CCR5AS: variants seen among roughly 807,000 people sequenced by gnomAD.
CCR5AS encodes CCR5 antisense RNA.
At chr3:46,367,170 A>T (rs1701607396) in intron 3 of CCR5AS, among the ~76,000 whole-genome samples, 1 of 152,118 alleles carries the variant, frequency 6.6e-6, no homozygotes, top group Non-Finnish European at 1.5e-5. Context: ...TGGGTGGAGC[A>T]AAAGGCACCT....
At chr3:46,406,043 T>C (rs1363540540) in intron 1 of CCR5AS, among the ~76,000 whole-genome samples, 1 of 152,090 alleles carries the variant, frequency 6.6e-6, no homozygotes, top group African/African-American at 2.4e-5. Flanking sequence ...ATCTGGCTAA[T>C]TTTTATATTG....
chr3:46,396,349 C>A lies in CCR5AS; in HGVS notation n.164-3297G>T, dbSNP rs1046697978. Among the ~76,000 whole-genome samples the A allele has an allele frequency of 5.9e-5, 9 of 152,292 alleles. 1 individual carries two copies. In the South Asian group the frequency reaches 1.9e-3, roughly 32 times the overall value. On this transcript the variant is annotated intron_variant and non_coding_transcript_variant, in intron 1 of 3. Transcript: ENST00000451485. ...TGAGTGGGCAGTGTGGCCTCCTGTG[C>A]ACGTGACTTCCTCCTTCAGTGTGCC...
At chr3:46,399,548 T>A (rs1701989121) in intron 1 of CCR5AS, among the ~76,000 whole-genome samples, 1 of 152,138 alleles carries the variant, frequency 6.6e-6, no homozygotes, top group Non-Finnish European at 1.5e-5. Context: ...TCTGAGCATT[T>A]AAAAATTCTG....
At chr3:46,381,916 T>C (rs1209665221) in intron 2 of CCR5AS, among the ~76,000 whole-genome samples, 1 of 152,140 alleles carries the variant, frequency 6.6e-6, no homozygotes, top group African/African-American at 2.4e-5. Flanking sequence ...CAGTAGTAAT[T>C]TGGGGTGTTA....
At chr3:46,383,704 T>C (rs1701833734) in intron 2 of CCR5AS, among the ~76,000 whole-genome samples, 1 of 152,044 alleles carries the variant, frequency 6.6e-6, no homozygotes, top group South Asian at 2.1e-4. Context: ...TGGGCAGAGC[T>C]TCTGTCCTCC....
chr3:46,374,648 G>C (rs1701726512), intron 2 of CCR5AS: 1 of 167,230 alleles, frequency 6.0e-6, no homozygotes, highest in African/African-American at 2.4e-5. Context: ...GCTGTAGAAG[G>C]AGACAGAGCT....
At chr3:46,396,034 T>A (rs1302244926) in intron 1 of CCR5AS, among the ~76,000 whole-genome samples, 5 of 152,170 alleles carry the variant, frequency 3.3e-5, no homozygotes, top group African/African-American at 1.2e-4. Context: ...AAGCAGGGCC[T>A]TCACAGTCCC....
chr3:46,366,062 A>T (rs889257975), intron 3 of CCR5AS, among the ~76,000 whole-genome samples: 1 of 151,906 alleles, frequency 6.6e-6, no homozygotes, highest in Admixed American at 6.6e-5. Flanking sequence ...TTCCCCACCA[A>T]TCCTGCCCAC....
intron 2 of CCR5AS, chr3:46,372,870 A>G (rs770608463): frequency 6.7e-7 from 1 of 1,488,780 alleles, no homozygotes; most frequent in South Asian, 1.3e-5. Flanking sequence ...TTTATAAAAG[A>G]TCACTTTTTA....
intron 2 of CCR5AS, among the ~76,000 whole-genome samples, chr3:46,380,712 C>T (rs1701808567): frequency 6.6e-6 from 1 of 152,206 alleles, no homozygotes; most frequent in African/African-American, 2.4e-5. Context: ...CACCTGTGTG[C>T]TAATAAATTC....
intron 2 of CCR5AS, among the ~76,000 whole-genome samples, chr3:46,387,828 T>C (rs956018799): frequency 2.6e-5 from 4 of 152,036 alleles, no homozygotes; most frequent in Non-Finnish European, 5.9e-5. Context: ...ATAGGATTTG[T>C]GTAGGTAGTG....
intron 1 of CCR5AS, among the ~76,000 whole-genome samples, chr3:46,397,703 G>A (rs1701972426): frequency 6.6e-6 from 1 of 152,248 alleles, no homozygotes; most frequent in Non-Finnish European, 1.5e-5. Flanking sequence ...AAAACTGAAA[G>A]ACAGGGGAGC....
At chr3:46,391,765 T>C (rs562797875) in intron 2 of CCR5AS, among the ~76,000 whole-genome samples, 1 of 151,972 alleles carries the variant, frequency 6.6e-6, no homozygotes, top group Non-Finnish European at 1.5e-5. Flanking sequence ...CAAAGGTTTA[T>C]AGGGTAGGGG....
rs139622140 is a variant in CCR5AS at position 46,404,149 on chromosome 3, C to T, written n.163+2748G>A. On this transcript the variant is annotated intron_variant and non_coding_transcript_variant, in intron 1 of 3. Coordinates refer to ENST00000451485, the Ensembl canonical transcript of CCR5AS. ...ATTAAGAAGAATATGTCTGCGTCTT[C>T]GGTAAAATTATTGCTAAGGTTATCA... 4.2e-4 allele frequency among the ~76,000 whole-genome samples: 64 copies of T among 152,196 alleles called. 1 individual carries two copies. In the East Asian group the frequency reaches 0.012, roughly 28 times the overall value.
chr3:46,377,801 G>C (rs1701777486), intron 2 of CCR5AS, among the ~76,000 whole-genome samples: 1 of 152,104 alleles, frequency 6.6e-6, no homozygotes, highest in Non-Finnish European at 1.5e-5. Flanking sequence ...TGCCTCCCGG[G>C]TTCAAGCAAT....
chr3:46,364,286 A>G (rs779161226), downstream of CCR5AS, among the ~76,000 whole-genome samples: 59 of 152,182 alleles, frequency 3.9e-4, 1 homozygote, highest in Admixed American at 3.7e-3. Flanking sequence ...AGTTGAAGTA[A>G]ATGTTCATTT....
chr3:46,370,050 C>T (rs963383428), intron 3 of CCR5AS, among the ~76,000 whole-genome samples: 2 of 152,138 alleles, frequency 1.3e-5, no homozygotes, highest in Non-Finnish European at 2.9e-5. Context: ...TGTCACCAAC[C>T]GCCAAGAGAG....
Position 46,388,108 on chromosome 3 carries a change from G to A in CCR5AS, n.391+4717C>T, listed in dbSNP as rs570380317. ...CACAGGGGATATGATGGCTTAGCTC[G>A]GGCTCAGAGGCCTGACATTCCTGTC... On this transcript the variant is annotated intron_variant and non_coding_transcript_variant, in intron 2 of 3. Transcript: ENST00000451485. Among the ~76,000 whole-genome samples, 34 of 152,244 alleles carry A rather than the reference G, an allele frequency of 2.2e-4. No homozygotes were observed. In the South Asian group the frequency reaches 2.5e-3, roughly 11 times the overall value.
chr3:46,390,258 G>A (rs562836374), intron 2 of CCR5AS, among the ~76,000 whole-genome samples: 1 of 152,198 alleles, frequency 6.6e-6, no homozygotes, highest in African/African-American at 2.4e-5. Context: ...CATCTTTGAG[G>A]TCGATAACAG....
Sources: gnomAD v4.1 joint callset for allele counts (sites outside exome capture counted in the v4.1 genomes callset) on GRCh38, gnomAD v4.1.1 for gene constraint, MANE v1.5 for transcripts, NCBI Gene and HGNC (gene_info 2026-07-23, HGNC 2026-07-21) for gene names.